Variants in KCNH1 observed in about 807,000 individuals in gnomAD.
The protein encoded by KCNH1 is voltage-gated delayed rectifier potassium channel KCNH1.
Under a neutral mutation model 69.2 loss-of-function variants are expected in KCNH1, and 27 were observed. That is an observed-to-expected ratio of 0.39 (90% confidence interval 0.29 to 0.54). KCNH1 has a LOEUF of 0.54. Among genes scored for constraint, KCNH1 ranks in the 20% least tolerant of loss-of-function variants. The pLI is 0.68. For missense variants in KCNH1, 798 were observed against 1,261.6 expected, an observed-to-expected ratio of 0.63 and a Z score of 5.57; for synonymous variants, 456 against 487.7, an observed-to-expected ratio of 0.93 and a Z score of 0.86.
intron 1 of KCNH1, among the ~76,000 whole-genome samples, chr1:211,116,623 T>TG (rs1691588505): frequency 6.6e-6 from 1 of 152,166 alleles, no homozygotes; most frequent in Non-Finnish European, 1.5e-5. Context: ...ACCAAACTGT[T>TG]GGTAGCTACA....
chr1:210,868,398 A>C (rs1385846087), intron 7 of KCNH1, among the ~76,000 whole-genome samples: 1 of 148,992 alleles, frequency 6.7e-6, no homozygotes, highest in Non-Finnish European at 1.5e-5. Flanking sequence ...GTCTTTCTTA[A>C]TAGTGCCTTT....
At chr1:210,886,844 A>G (rs1558511539) in intron 7 of KCNH1, among the ~76,000 whole-genome samples, 1 of 152,126 alleles carries the variant, frequency 6.6e-6, no homozygotes, top group East Asian at 1.9e-4. Context: ...CCAAAATTCG[A>G]GAAAAAAGAA....
Position 210,682,778 on chromosome 1 carries a change from T to C in KCNH1, c.*503A>G, listed in dbSNP as rs12126648. 112,171 of 155,672 alleles carry C rather than the reference T, an allele frequency of 0.72. 40,915 individuals are homozygous for C. The highest frequency in any genetic ancestry group is 0.81 in the South Asian group (4,082 of 5,060). The allele number at this position is 155,672 out of a possible 1,614,324, so 9.6% of individuals were successfully genotyped here. A position where few individuals can be genotyped will look rare whatever the true frequency, so the allele number is the denominator to read the frequency against. On this transcript the variant is annotated 3_prime_UTR_variant, in exon 11 of 11. Transcript: ENST00000271751. ...AGCTCTGCTTGTCCCGAGCTAGTTA[T>C]AAATGACAACTACAGGAAAACATGG... is the stretch of plus-strand genomic sequence containing the variant.
intron 1 of KCNH1, among the ~76,000 whole-genome samples, chr1:211,121,690 T>C (rs562778538): frequency 1.3e-5 from 2 of 152,266 alleles, no homozygotes; most frequent in East Asian, 3.9e-4. Flanking sequence ...TGGGATCTGA[T>C]TAAACTAAAG....
At chr1:210,901,160 A>G (rs1007350460) in intron 7 of KCNH1, among the ~76,000 whole-genome samples, 1 of 151,970 alleles carries the variant, frequency 6.6e-6, no homozygotes, top group East Asian at 1.9e-4. Context: ...CTACCCCTAA[A>G]TGGCACCTCT....
At chr1:211,050,037 C>A (rs962795403) in intron 5 of KCNH1, among the ~76,000 whole-genome samples, 4 of 151,954 alleles carry the variant, frequency 2.6e-5, no homozygotes, top group Non-Finnish European at 2.9e-5. Context: ...GTAGAGCACC[C>A]TCCATAAATA....
chr1:210,807,532 A>T (rs1348706972), intron 7 of KCNH1, among the ~76,000 whole-genome samples: 4 of 152,152 alleles, frequency 2.6e-5, no homozygotes, highest in Admixed American at 2.6e-4. Flanking sequence ...GAATCACTTG[A>T]ACCTGGGAGG....
chr1:211,122,940 T>A (rs6540659), intron 1 of KCNH1, among the ~76,000 whole-genome samples: 27,848 of 151,906 alleles, frequency 0.18, 2,779 homozygotes, highest in African/African-American at 0.25. Context: ...GTATCCTTTT[T>A]TTTTTAGAAG....
chr1:210,804,304 C>G, intron 7 of KCNH1, 138 bp from the exon 8 acceptor site: 1 of 678,192 alleles, frequency 1.5e-6, no homozygotes, highest in Non-Finnish European at 2.5e-6. Context: ...CCTGACTATT[C>G]TCAGGAGACC....
intron 9 of KCNH1, among the ~76,000 whole-genome samples, chr1:210,788,849 A>C (rs1684159316): frequency 6.7e-6 from 1 of 149,442 alleles, no homozygotes; most frequent in South Asian, 2.1e-4. Flanking sequence ...GGCGCCCGCC[A>C]CTACGCCCGG....
chr1:211,002,833 T>G (rs1303487844), intron 6 of KCNH1, among the ~76,000 whole-genome samples: 1 of 151,908 alleles, frequency 6.6e-6, no homozygotes, highest in African/African-American at 2.4e-5. Flanking sequence ...GGGGATAGAG[T>G]GCAAAGAGTC....
At chr1:211,120,749 T>G (rs1281438132) in intron 1 of KCNH1, among the ~76,000 whole-genome samples, 3 of 152,174 alleles carry the variant, frequency 2.0e-5, no homozygotes, top group Non-Finnish European at 4.4e-5. Context: ...GTTGTCTCTG[T>G]TTGCAGACGA....
At chr1:211,018,416 A>C (rs192261172) in intron 6 of KCNH1, among the ~76,000 whole-genome samples, 2 of 152,262 alleles carry the variant, frequency 1.3e-5, no homozygotes, top group African/African-American at 4.8e-5. Flanking sequence ...AGATAAAAGA[A>C]AAGTCTGCAT....
At chr1:210,929,518 G>A (rs1687640257) in intron 6 of KCNH1, among the ~76,000 whole-genome samples, 1 of 152,108 alleles carries the variant, frequency 6.6e-6, no homozygotes, top group South Asian at 2.1e-4. Flanking sequence ...TGCAGAGAAG[G>A]AACACACCTT....
At chr1:210,949,185 T>C (rs1688017858) in intron 6 of KCNH1, among the ~76,000 whole-genome samples, 1 of 152,078 alleles carries the variant, frequency 6.6e-6, no homozygotes, top group Non-Finnish European at 1.5e-5. Context: ...ACTGCCAGAG[T>C]AATTCAAAAC....
chr1:211,062,471 T>C (rs1178452837), intron 5 of KCNH1, among the ~76,000 whole-genome samples: 1 of 152,082 alleles, frequency 6.6e-6, no homozygotes, highest in Non-Finnish European at 1.5e-5. Flanking sequence ...AATAGCATCA[T>C]ATCAAGTTAA....
chr1:210,791,002 T>C (rs1684200944), intron 9 of KCNH1, among the ~76,000 whole-genome samples: 1 of 152,054 alleles, frequency 6.6e-6, no homozygotes, highest in African/African-American at 2.4e-5. Context: ...ACACTTTCCT[T>C]CCCTAGGCCT....
intron 10 of KCNH1, among the ~76,000 whole-genome samples, chr1:210,745,907 G>A (rs1451055907): frequency 6.6e-6 from 1 of 151,692 alleles, no homozygotes; most frequent in Non-Finnish European, 1.5e-5. Flanking sequence ...CAGGGAGAAA[G>A]GTCACCCTGG....
chr1:210,742,932 C>T (rs964884215), intron 10 of KCNH1, among the ~76,000 whole-genome samples: 2 of 151,994 alleles, frequency 1.3e-5, no homozygotes, highest in Non-Finnish European at 2.9e-5. Context: ...AAAGCATTAT[C>T]AATTGCATTA....
Sources: gnomAD v4.1 joint callset for allele counts (sites outside exome capture counted in the v4.1 genomes callset) on GRCh38, gnomAD v4.1.1 for gene constraint, MANE v1.5 for transcripts, NCBI Gene and HGNC (gene_info 2026-07-23, HGNC 2026-07-21) for gene names.